The following EFHC1 variants were observed in gnomAD, a reference collection of about 807,000 sequenced individuals.
EFHC1 encodes EF-hand domain-containing protein 1.
In EFHC1, 53 loss-of-function variants were observed where a neutral mutation model predicts 69.9. The observed-to-expected ratio is 0.76, with a 90% CI of 0.61 to 0.95. The LOEUF (loss-of-function observed/expected upper bound fraction) is 0.95, where lower values mean the gene tolerates loss of function less well. EFHC1 is among the 40% of genes least tolerant of loss of function. The pLI is 0.00. For missense variants in EFHC1, 739 were observed against 798.7 expected, an observed-to-expected ratio of 0.93 and a Z score of 0.90; for synonymous variants, 256 against 278.4, an observed-to-expected ratio of 0.92 and a Z score of 0.80.
intron 7 of EFHC1, among the ~76,000 whole-genome samples, chr6:52,472,371 G>A (rs181856331): frequency 1.3e-5 from 2 of 152,156 alleles, no homozygotes; most frequent in South Asian, 2.1e-4. Flanking sequence ...AACAGGAAGC[G>A]AATAAACAAG....
chr6:52,486,839 A>G (rs1296030073), intron 9 of EFHC1: 1 of 152,146 alleles, frequency 6.6e-6, no homozygotes, highest in East Asian at 1.9e-4. Context: ...TGACTGCTTC[A>G]TAAATTGCTT....
At chr6:52,476,155 T>C (rs1184803607) in intron 7 of EFHC1, among the ~76,000 whole-genome samples, 2 of 152,188 alleles carry the variant, frequency 1.3e-5, no homozygotes, top group Admixed American at 6.5e-5. Flanking sequence ...AGGAATGGGC[T>C]GATGGGAGCA....
intron 5 of EFHC1, among the ~76,000 whole-genome samples, chr6:52,460,041 T>C (rs1159946677): frequency 6.6e-6 from 1 of 152,184 alleles, no homozygotes; most frequent in Non-Finnish European, 1.5e-5. Context: ...TTCTTGGGTA[T>C]TTGCCAAGAG....
At chr6:52,447,236 T>C (rs1207375115) in intron 3 of EFHC1, among the ~76,000 whole-genome samples, 1 of 152,240 alleles carries the variant, frequency 6.6e-6, no homozygotes, top group African/African-American at 2.4e-5. Flanking sequence ...CATAGTTCCA[T>C]ATTTCTTGGA....
rs528600480 is a variant in EFHC1 at position 52,494,482 on chromosome 6, A to G, written c.*2141A>G. The G allele has an allele frequency of 4.4e-4, 200 of 454,114 alleles. 1 individual carries two copies. Among genetic ancestry groups the G allele is most frequent in the South Asian group, 2.9e-3 (185 of 64,472 alleles). The allele number at this position is 454,114 out of a possible 1,614,324, so 28.1% of individuals were successfully genotyped here. On this transcript the variant is annotated 3_prime_UTR_variant, in exon 11 of 11. Coordinates refer to ENST00000371068, the MANE Select transcript of EFHC1 (RefSeq NM_018100.4). ...AAGGTTAAGCGGGTAGAAACCAGAG[A>G]AAAAGGGCAAAGTCTTATTTCTGTG...
chr6:52,470,397 C>T (rs576506757), intron 7 of EFHC1, among the ~76,000 whole-genome samples: 21 of 152,222 alleles, frequency 1.4e-4, no homozygotes, highest in South Asian at 2.1e-4. Context: ...AAAATTCAAG[C>T]GGCTTGTTGA....
intron 3 of EFHC1, among the ~76,000 whole-genome samples, chr6:52,443,059 G>T (rs546124823): frequency 1.3e-5 from 2 of 152,162 alleles, no homozygotes; most frequent in African/African-American, 4.8e-5. Context: ...ATTTTTTCAC[G>T]TATCTGTTGG....
At position 52,477,425 on chromosome 6, in the gene EFHC1, C is replaced by T. The variant is rs78340458; in HGVS notation, c.1279-1612C>T. 5.5e-3 allele frequency among the ~76,000 whole-genome samples: 843 copies of T among 152,198 alleles called. 8 individuals are homozygous for T. The highest frequency in any genetic ancestry group is 0.019 in the African/African-American group (793 of 41,526). Reference sequence around the variant, plus strand: ...CTACAGTTACAATATGAGCGGATTTCAGTCAGGAATAAACAAATCTGTATT... The same window carrying T: ...CTACAGTTACAATATGAGCGGATTTTAGTCAGGAATAAACAAATCTGTATT... On this transcript the variant is annotated intron_variant, in intron 7 of 10. Coordinates refer to ENST00000371068, the MANE Select transcript of EFHC1 (RefSeq NM_018100.4).
intron 3 of EFHC1, among the ~76,000 whole-genome samples, chr6:52,440,117 A>G (rs1260917905): frequency 2.0e-5 from 3 of 152,096 alleles, no homozygotes; most frequent in Non-Finnish European, 4.4e-5. Flanking sequence ...AGTCACCACA[A>G]ACACTGAATT....
At chr6:52,436,031 CCTTT>C (rs1764525212) in intron 2 of EFHC1, among the ~76,000 whole-genome samples, 1 of 152,160 alleles carries the variant, frequency 6.6e-6, no homozygotes, top group Non-Finnish European at 1.5e-5. Context: ...TCAGTTTCCT[CCTTT>C]ATAAAATAAG....
At chr6:52,475,777 A>T (rs183789057) in intron 7 of EFHC1, among the ~76,000 whole-genome samples, 118 of 152,372 alleles carry the variant, frequency 7.7e-4, no homozygotes, top group Middle Eastern at 3.4e-3. Context: ...ATGGTTCTAG[A>T]TACCAAAGGT....
chr6:52,456,164 A>G (rs1765040206), intron 5 of EFHC1, among the ~76,000 whole-genome samples: 1 of 152,248 alleles, frequency 6.6e-6, no homozygotes, highest in Non-Finnish European at 1.5e-5. Flanking sequence ...TTTTAAAAAA[A>G]TGAAAATACT....
At chr6:52,438,825 ATAG>A (rs980707705) in intron 3 of EFHC1, among the ~76,000 whole-genome samples, 1 of 152,230 alleles carries the variant, frequency 6.6e-6, no homozygotes, top group Non-Finnish European at 1.5e-5. Context: ...AACTCTCATC[ATAG>A]CTGAATAATT....
Position 52,495,261 on chromosome 6 carries a change from A to G in EFHC1, c.*2920A>G, listed in dbSNP as rs1364785702. ...GTTTCAGGGGAGAACCAGGTACCCCAAATCTTATGCTCTCCAAACTCCAGG... is the reference window on the plus strand; with the variant it reads ...GTTTCAGGGGAGAACCAGGTACCCCGAATCTTATGCTCTCCAAACTCCAGG... On this transcript the variant is annotated 3_prime_UTR_variant, in exon 11 of 11. Transcript: ENST00000371068. The G allele has an allele frequency of 4.4e-6, 2 of 453,954 alleles. No individual in the cohort carries two copies. The highest frequency in any genetic ancestry group is 4.0e-5 in the African/African-American group (2 of 49,996). 28.1% of individuals were successfully genotyped at this position (453,954 alleles called of 1,614,324 possible).
chr6:52,485,075 T>C (rs1262384283), intron 9 of EFHC1: 2 of 151,150 alleles, frequency 1.3e-5, no homozygotes, highest in Admixed American at 1.3e-4. Context: ...GACACATCTT[T>C]AAAAAAAAAT....
chr6:52,435,682 T>C (rs2113976660), intron 2 of EFHC1, among the ~76,000 whole-genome samples: 1 of 152,304 alleles, frequency 6.6e-6, no homozygotes, highest in East Asian at 1.9e-4. Context: ...CCATGCCTAG[T>C]ACTTCCTCCT....
intron 3 of EFHC1, among the ~76,000 whole-genome samples, chr6:52,442,744 C>T (rs941739191): frequency 1.1e-4 from 16 of 152,126 alleles, no homozygotes; most frequent in South Asian, 2.1e-4. Context: ...TGAATAGTGC[C>T]GCAATAAACA....
chr6:52,479,927 C>CTG, intron 9 of EFHC1, 140 bp downstream of exon 9: 1 of 1,341,726 alleles, frequency 7.5e-7, no homozygotes, highest in Non-Finnish European at 1.0e-6. Flanking sequence ...AGAAGGTTCC[C>CTG]TGTGTCAATG....
rs1432930163 is a variant in EFHC1, at chr6:52,492,157, A to G, written c.1852-113A>G. On this transcript the variant is annotated intron_variant, in intron 10 of 10. Transcript: ENST00000371068. ...TCAGAATCAACTTGAGGATACAAAA[A>G]TTCTGAACTGATTTACAAAGGCTCG... The G allele has an allele frequency of 3.2e-6, 3 of 937,684 alleles. No homozygotes were observed. In the Admixed American group the frequency reaches 5.6e-5, roughly 18 times the overall value. 58.1% of individuals were successfully genotyped at this position (937,684 alleles called of 1,614,324 possible).
Sources: gnomAD v4.1 joint callset for allele counts (sites outside exome capture counted in the v4.1 genomes callset) on GRCh38, gnomAD v4.1.1 for gene constraint, MANE v1.5 for transcripts, NCBI Gene and HGNC (gene_info 2026-07-23, HGNC 2026-07-21) for gene names.